Variants in LSM14A observed in about 807,000 individuals in gnomAD.
LSM14A encodes the protein LSM14A mRNA processing body assembly factor.
A neutral mutation model predicts 52.4 loss-of-function variants in LSM14A; 14 were observed. The observed-to-expected ratio is 0.27, with a 90% CI of 0.18 to 0.42. The LOEUF is 0.42. LSM14A is among the 10% of genes least tolerant of loss of function. LSM14A has a pLI of 1.00. For missense variants in LSM14A, 417 were observed against 581.8 expected (o/e 0.72, Z 2.91); for synonymous variants, 185 against 200.3 (o/e 0.92, Z 0.64).
Position 34,175,856 on chromosome 19 carries a change from T to G in LSM14A, c.121+3093T>G, listed in dbSNP as rs185668639. Among the ~76,000 whole-genome samples the G allele has an allele frequency of 3.0e-3, 326 of 107,194 alleles. 2 individuals are homozygous for G. Among genetic ancestry groups the G allele is most frequent in the African/African-American group, 9.5e-3 (316 of 33,320 alleles). The allele number at this position is 107,194 out of a possible 152,430, so 70.3% of individuals were successfully genotyped here. The stretch of plus-strand genomic sequence containing the variant: ...AAGTGTTTGTTTTGTTTTGTTTTCG[T>G]TTTTTTTTGTTGTTGTTTTGAGACA... On this transcript the variant is annotated intron_variant, in intron 1 of 9. Coordinates refer to ENST00000544216, the MANE Select transcript of LSM14A (RefSeq NM_015578.4).
intron 1 of LSM14A, among the ~76,000 whole-genome samples, chr19:34,190,581 G>A (rs756314819): frequency 6.7e-6 from 1 of 149,568 alleles, no homozygotes; most frequent in Non-Finnish European, 1.5e-5. Context: ...TTGACATGAT[G>A]AGAGATGAAA....
chr19:34,179,982 G>A (rs555151372), intron 1 of LSM14A, among the ~76,000 whole-genome samples: 20 of 152,312 alleles, frequency 1.3e-4, no homozygotes, highest in African/African-American at 4.6e-4. Flanking sequence ...AGGCTGGAGT[G>A]CAGTGGCACG....
chr19:34,172,845 G>C lies in LSM14A; in HGVS notation c.121+82G>C, dbSNP rs369155372. The C allele has an allele frequency of 8.4e-6, 12 of 1,435,944 alleles. No individual in the cohort carries two copies. The East Asian group carries it at 3.6e-4, about 43-fold the overall frequency. 89.0% of individuals were successfully genotyped at this position (1,435,944 alleles called of 1,614,324 possible). A position where few individuals can be genotyped will look rare whatever the true frequency, so the allele number is the denominator to read the frequency against. ...CCCCGCTCCGGCCCGCGGCCTCCTC[G>C]TTCCCTCCCCTCCCTCCGTCGAGCT... On this transcript the variant is annotated intron_variant, in intron 1 of 9. Coordinates refer to ENST00000544216, the MANE Select transcript of LSM14A (RefSeq NM_015578.4).
intron 1 of LSM14A, among the ~76,000 whole-genome samples, chr19:34,178,178 A>AT (rs2069213464): frequency 1.5e-5 from 2 of 135,740 alleles, no homozygotes; most frequent in Non-Finnish European, 3.3e-5. Context: ...AAAAAAACAC[A>AT]AAATAATAAT....
At chr19:34,201,674 A>C (rs1486242295) in intron 3 of LSM14A, among the ~76,000 whole-genome samples, 1 of 152,086 alleles carries the variant, frequency 6.6e-6, no homozygotes, top group Non-Finnish European at 1.5e-5. Flanking sequence ...AGTAAACCAC[A>C]TTTTAAGCTA....
intron 9 of LSM14A, among the ~76,000 whole-genome samples, chr19:34,223,237 T>C (rs1480563767): frequency 1.3e-5 from 2 of 152,038 alleles, no homozygotes; most frequent in Non-Finnish European, 2.9e-5. Context: ...TGCACCACCA[T>C]GCCCAGCTAA....
rs1376632262 is a variant in LSM14A at position 34,219,781 on chromosome 19, G to T, written c.1040G>T (p.Ser347Ile). ...GACTCAGGAGTTGATACCCAAAACA[G>T]TGAAGGAAATGCCGATGAAGAAGAT... ...KGDSGVDTQN[S>I]EGNADEEDPL... Residue 347 changes from serine to isoleucine, a missense_variant, in exon 8 of 10, where the codon AGT (serine) becomes ATT (isoleucine). By Grantham distance (142) the Ser-to-Ile change is moderately radical. Around this residue, in one of 2 missense-constraint regions of LSM14A, gnomAD observed 357 missense variants for 457.0 expected, o/e 0.78. Coordinates refer to ENST00000544216, the MANE Select transcript of LSM14A (RefSeq NM_015578.4). 1 of 1,613,616 alleles carries T rather than the reference G, an allele frequency of 6.2e-7. No individual in the cohort carries two copies. The highest frequency in any genetic ancestry group is 8.5e-7 in the Non-Finnish European group (1 of 1,179,662).
rs568021984 is a variant in LSM14A, at chr19:34,221,954, GAATATACTTTT to G, written c.1368+219_1368+229del. 2.8e-4 allele frequency: 186 copies of G among 668,746 alleles called. No homozygotes were observed. The South Asian group carries it at 3.7e-3, about 13-fold the overall frequency. The allele number at this position is 668,746 out of a possible 1,614,324, so 41.4% of individuals were successfully genotyped here. A position where few individuals can be genotyped will look rare whatever the true frequency, so the allele number is the denominator to read the frequency against. On this transcript the variant is annotated intron_variant, in intron 9 of 9. Coordinates refer to ENST00000544216, the MANE Select transcript of LSM14A (RefSeq NM_015578.4). ...GTATCACCTTTATTTCATGTTAACA[GAATATACTTTT>G]AACACCCAAAGAGTCTATCTAGGAA...
intron 3 of LSM14A, among the ~76,000 whole-genome samples, chr19:34,205,285 G>A (rs927673067): frequency 4.0e-5 from 6 of 151,572 alleles, no homozygotes; most frequent in African/African-American, 1.5e-4. Flanking sequence ...TCAGGAGTTC[G>A]AGACCAGCCT....
intron 4 of LSM14A, among the ~76,000 whole-genome samples, chr19:34,209,394 TATC>T (rs1400029487): frequency 2.0e-5 from 3 of 152,282 alleles, no homozygotes; most frequent in South Asian, 2.1e-4. Flanking sequence ...GAATTGGAAA[TATC>T]ATCTGAAAAA....
At position 34,215,679 on chromosome 19, in the gene LSM14A, A is replaced by G; in HGVS notation, c.781+18A>G. On this transcript the variant is annotated intron_variant, in intron 6 of 9. Transcript: ENST00000544216. ...ACAAGTAGGTAAGTTCTTGGATCTA[A>G]AAGTCATATTCTATGCTTCTCAACA... 1 of 1,553,986 alleles carries G rather than the reference A, an allele frequency of 6.4e-7. No homozygotes were observed.
At position 34,194,648 on chromosome 19, in the gene LSM14A, G is replaced by A; in HGVS notation, c.285+7G>A. 6.2e-7 allele frequency: 1 copy of A among 1,613,972 alleles called. No individual in the cohort carries two copies. The highest frequency in any genetic ancestry group is 2.2e-5 in the East Asian group (1 of 44,880). ...AGACCCAGCTATTGTTCAGGTAACT[G>A]ATGGTAAATTTGTCTTGGAGTACAG... is the stretch of plus-strand genomic sequence containing the variant. On this transcript the variant is annotated splice_region_variant and intron_variant, in intron 2 of 9. Coordinates refer to ENST00000544216, the MANE Select transcript of LSM14A (RefSeq NM_015578.4).
chr19:34,206,418 C>T (rs1232579113), intron 3 of LSM14A, among the ~76,000 whole-genome samples: 8 of 151,626 alleles, frequency 5.3e-5, no homozygotes, highest in African/African-American at 9.7e-5. Context: ...CCTGTAATCC[C>T]AGCACTTTGG....
chr19:34,218,429 G>A (rs2072829904), intron 6 of LSM14A, among the ~76,000 whole-genome samples: 2 of 152,308 alleles, frequency 1.3e-5, no homozygotes, highest in South Asian at 4.1e-4. Flanking sequence ...TGGATATGCT[G>A]CTGTGGGGTT....
chr19:34,215,944 T>C (rs1224250360), intron 6 of LSM14A, among the ~76,000 whole-genome samples: 4 of 152,170 alleles, frequency 2.6e-5, no homozygotes, highest in African/African-American at 7.2e-5. Flanking sequence ...GTCTGTAGTT[T>C]AGTTAATTAG....
chr19:34,227,103 T>C (rs2073382915), intron 9 of LSM14A, among the ~76,000 whole-genome samples: 1 of 152,188 alleles, frequency 6.6e-6, no homozygotes, highest in Non-Finnish European at 1.5e-5. Flanking sequence ...CAACCAAAGA[T>C]GAGGAAGTAT....
chr19:34,204,598 A>G (rs1472582964), intron 3 of LSM14A, among the ~76,000 whole-genome samples: 1 of 151,794 alleles, frequency 6.6e-6, no homozygotes, highest in Non-Finnish European at 1.5e-5. Flanking sequence ...ACATACCTGT[A>G]GTCCTAGCAC....
chr19:34,226,498 G>A (rs758179579), intron 9 of LSM14A: 5 of 1,494,292 alleles, frequency 3.3e-6, no homozygotes, highest in East Asian at 5.0e-5. Flanking sequence ...AGGTGTGAAG[G>A]TTGGCTTTGT....
intron 3 of LSM14A, among the ~76,000 whole-genome samples, chr19:34,198,355 G>A (rs1328095753): frequency 1.3e-5 from 2 of 152,008 alleles, no homozygotes; most frequent in Admixed American, 1.3e-4. Flanking sequence ...GGTGGCTCAC[G>A]CCTGTAATCC....
Sources: allele counts gnomAD v4.1 joint callset (sites outside exome capture counted in the v4.1 genomes callset), GRCh38; gene constraint gnomAD v4.1.1; regional missense constraint gnomAD v4.1.1; transcripts MANE v1.5; gene names NCBI Gene and HGNC (gene_info 2026-07-23, HGNC 2026-07-21).